Variants in PTP4A1 observed in about 807,000 individuals in gnomAD.
PTP4A1 encodes protein tyrosine phosphatase 4A1.
Under a neutral mutation model 20.5 loss-of-function variants are expected in PTP4A1, and 9 were observed. The observed-to-expected ratio is 0.44, with a 90% CI of 0.26 to 0.77. The LOEUF (loss-of-function observed/expected upper bound fraction) is 0.77. PTP4A1 is among the 30% of genes least tolerant of loss of function. PTP4A1 has a pLI of 0.19. For missense variants in PTP4A1, 137 were observed against 218.8 expected (o/e 0.63, Z 2.36); for synonymous variants, 78 against 67.4 (o/e 1.16, Z -0.77).
rs544912843 is a variant in PTP4A1, at chr6:63,547,441, C to T, written c.-639-2859C>T. 2.4e-3 allele frequency among the ~76,000 whole-genome samples: 358 copies of T among 150,742 alleles called. 5 individuals carry two copies. The highest frequency in any genetic ancestry group is 8.2e-3 in the South Asian group (39 of 4,780). ...CTGACCTCAAGTGATTAATCTGCCT[C>T]GGCCTCCCAAAGTGCTGGGATTACA... On this transcript the variant is annotated intron_variant, in intron 2 of 3. Transcript: ENST00000639568.
At chr6:63,546,003 T>C (rs1310392842) in intron 2 of PTP4A1, among the ~76,000 whole-genome samples, 1 of 152,208 alleles carries the variant, frequency 6.6e-6, no homozygotes, top group Non-Finnish European at 1.5e-5. Flanking sequence ...TATTATATGA[T>C]CCAGCAATCC....
Position 63,578,941 on chromosome 6 carries a change from T to C in PTP4A1, c.242T>C (p.Val81Ala). ...DDGAPPSNQI[V>A]DDWLSLVKIK... ...GGTGCACCACCATCCAACCAGATTG[T>C]TGATGACTGGTTAAGTCTTGTGAAA... is the stretch of plus-strand genomic sequence containing the variant. The change falls in exon 4 of 6, where the codon GTT becomes GCT. Residue 81 changes from valine (V) to alanine (A), a missense_variant. By Grantham distance (64) the Val-to-Ala change is moderately conservative. Transcript: ENST00000626021. 1 of 1,602,448 alleles carries C rather than the reference T, an allele frequency of 6.2e-7. No individual in the cohort carries two copies. The highest frequency in any genetic ancestry group is 2.3e-5 in the East Asian group (1 of 44,438).
chr6:63,558,430 C>T (rs936107881), intron 3 of PTP4A1, among the ~76,000 whole-genome samples: 4 of 152,098 alleles, frequency 2.6e-5, no homozygotes, highest in African/African-American at 9.7e-5. Flanking sequence ...GCCAGTCAGA[C>T]AGAAAAGAAG....
At chr6:63,552,647 C>T (rs1290121105) in intron 3 of PTP4A1, among the ~76,000 whole-genome samples, 2 of 152,146 alleles carry the variant, frequency 1.3e-5, no homozygotes, top group African/African-American at 4.8e-5. Flanking sequence ...AGGTTTTCTT[C>T]TAGGATTTTT....
chr6:63,522,200 CT>C (rs1774953333), intron 1 of PTP4A1, among the ~76,000 whole-genome samples: 2 of 152,190 alleles, frequency 1.3e-5, no homozygotes, highest in South Asian at 4.2e-4. Flanking sequence ...TGTCATATTC[CT>C]TTTTCTCCAA....
chr6:63,518,336 A>G (rs764693460), upstream of PTP4A1, among the ~76,000 whole-genome samples: 12 of 152,242 alleles, frequency 7.9e-5, no homozygotes, highest in Non-Finnish European at 1.6e-4. Flanking sequence ...TGTTACTTGT[A>G]CCTAAACTAA....
At position 63,559,045 on chromosome 6, in the gene PTP4A1, T is replaced by C. The variant is rs566621268; in HGVS notation, c.-446+8552T>C. Among the ~76,000 whole-genome samples, 6 of 152,324 alleles carry C rather than the reference T, an allele frequency of 3.9e-5. No individual in the cohort carries two copies. In the South Asian group the frequency reaches 6.2e-4, roughly 16 times the overall value. On this transcript the variant is annotated intron_variant, in intron 3 of 3. Coordinates refer to the PTP4A1 transcript ENST00000639568. ...CTTGACTGTATGGAGGCGAGAAGGATAGATCATTTTGCTCACTCTGCTCCC... is the reference window on the plus strand; with the variant it reads ...CTTGACTGTATGGAGGCGAGAAGGACAGATCATTTTGCTCACTCTGCTCCC...
chr6:63,540,051 C>A (rs1225801974), intron 2 of PTP4A1, among the ~76,000 whole-genome samples: 2 of 152,094 alleles, frequency 1.3e-5, no homozygotes, highest in African/African-American at 2.4e-5. Context: ...GTTTCTTGGT[C>A]AAATCAATAT....
intron 2 of PTP4A1, among the ~76,000 whole-genome samples, chr6:63,537,687 G>A (rs1394404446): frequency 6.6e-6 from 1 of 152,230 alleles, no homozygotes; most frequent in Non-Finnish European, 1.5e-5. Context: ...ATCAGTCAAG[G>A]TTGATTAATT....
upstream of PTP4A1, among the ~76,000 whole-genome samples, chr6:63,520,813 T>C (rs1038775753): frequency 1.3e-5 from 2 of 152,058 alleles, no homozygotes; most frequent in Non-Finnish European, 2.9e-5. Flanking sequence ...TGTAAACAGG[T>C]GGTAAAGAGA....
intron 2 of PTP4A1, among the ~76,000 whole-genome samples, chr6:63,533,589 C>T (rs1420129003): frequency 9.2e-5 from 14 of 152,084 alleles, no homozygotes. Context: ...AGCTATTTAA[C>T]TTTTGCAGCA....
At chr6:63,560,556 T>C (rs143535912) in intron 3 of PTP4A1, among the ~76,000 whole-genome samples, 266 of 151,912 alleles carry the variant, frequency 1.8e-3, no homozygotes, top group African/African-American at 5.2e-3. Context: ...TGTACCACCA[T>C]GGCCCACTAA....
chr6:63,578,356 C>T, intron 2 of PTP4A1, 81 bp from the exon 3 acceptor site: 1 of 1,440,260 alleles, frequency 6.9e-7, no homozygotes, highest in Non-Finnish European at 9.2e-7. Flanking sequence ...ACTTACTGAT[C>T]AGAGATGATC....
chr6:63,555,522 G>A (rs1776640554), intron 3 of PTP4A1, among the ~76,000 whole-genome samples: 1 of 151,964 alleles, frequency 6.6e-6, no homozygotes. Flanking sequence ...AGCTGCTGCT[G>A]CAATCATAGT....
rs1394641301 is a variant in PTP4A1, at chr6:63,581,750, C to T, written c.*1576C>T. 1.3e-5 allele frequency: 2 copies of T among 152,086 alleles called. No individual in the cohort carries two copies. The highest frequency in any genetic ancestry group is 3.9e-4 in the East Asian group (2 of 5,192). The allele number at this position is 152,086 out of a possible 1,614,324, so 9.4% of individuals were successfully genotyped here. A position where few individuals can be genotyped will look rare whatever the true frequency, so the allele number is the denominator to read the frequency against. ...CAGCCTTGGTTTGTAAAGCTCAGTT[C>T]CACTAGTTCATGGTTTTGTGCAACT... On this transcript the variant is annotated 3_prime_UTR_variant, in exon 6 of 6. Coordinates refer to ENST00000626021, the MANE Select transcript of PTP4A1 (RefSeq NM_003463.5).
intron 1 of PTP4A1, among the ~76,000 whole-genome samples, chr6:63,524,020 C>T (rs1389256929): frequency 2.0e-5 from 3 of 151,684 alleles, no homozygotes; most frequent in Admixed American, 6.6e-5. Context: ...CTTGCTCTGT[C>T]GCCCAGGCTG....
chr6:63,563,253 T>C (rs1465504969), intron 3 of PTP4A1, among the ~76,000 whole-genome samples: 3 of 152,188 alleles, frequency 2.0e-5, no homozygotes, highest in African/African-American at 7.2e-5. Flanking sequence ...GCAAAATAAA[T>C]CCAAATCCTT....
At chr6:63,576,362 T>G (rs1777867515) in intron 1 of PTP4A1, 74 bp from the exon 2 acceptor site, 4 of 398,194 alleles carry the variant, frequency 1.0e-5, no homozygotes, top group Non-Finnish European at 1.8e-5. Flanking sequence ...ACTTAAATAG[T>G]GTAAAACCCT....
intron 1 of PTP4A1, among the ~76,000 whole-genome samples, chr6:63,573,085 C>G (rs919637767): frequency 3.3e-5 from 5 of 152,138 alleles, no homozygotes; most frequent in African/African-American, 7.2e-5. Context: ...GCTTTGTGAC[C>G]GCCGCCTCCG....
Sources: gnomAD v4.1 joint callset for allele counts (sites outside exome capture counted in the v4.1 genomes callset) on GRCh38, gnomAD v4.1.1 for gene constraint, MANE v1.5 for transcripts, NCBI Gene and HGNC (gene_info 2026-07-23, HGNC 2026-07-21) for gene names.